SHISAL2A: variants seen among roughly 807,000 people sequenced by gnomAD.
The protein encoded by SHISAL2A is shisa like 2A.
A neutral mutation model predicts 11.5 loss-of-function variants in SHISAL2A; 18 were observed. The ratio of observed to expected loss-of-function variants is 1.57; its 90% CI spans 1.08 to 2.33. The LOEUF is 2.33. SHISAL2A is among the 30% of genes most tolerant of loss of function. SHISAL2A has a pLI of 0.00. For missense variants in SHISAL2A, 261 were observed against 250.9 expected (o/e 1.04, Z -0.27); for synonymous variants, 94 against 99.6 (o/e 0.94, Z 0.34).
chr1:52,648,892 C>T (rs192998647), intron 2 of SHISAL2A, among the ~76,000 whole-genome samples: 52 of 152,130 alleles, frequency 3.4e-4, no homozygotes, highest in Admixed American at 9.2e-4. Context: ...GTTCATCCCT[C>T]GGCCCTGTGA....
intron 1 of SHISAL2A, among the ~76,000 whole-genome samples, chr1:52,637,370 G>C (rs11583225): frequency 0.08 from 12,243 of 152,256 alleles, 608 homozygotes; most frequent in Non-Finnish European, 0.11. Flanking sequence ...TTGTTTTGCT[G>C]TAAATTCCGT....
chr1:52,637,892 C>G (rs566443009), intron 1 of SHISAL2A, among the ~76,000 whole-genome samples: 1 of 152,008 alleles, frequency 6.6e-6, no homozygotes, highest in Non-Finnish European at 1.5e-5. Flanking sequence ...CTCGAAGACT[C>G]GAGGCTCTCT....
chr1:52,645,518 C>T (rs1157888767), intron 2 of SHISAL2A, among the ~76,000 whole-genome samples: 5 of 151,174 alleles, frequency 3.3e-5, no homozygotes, highest in Non-Finnish European at 5.9e-5. Flanking sequence ...AGGTGATTCT[C>T]CCACCTCATT....
chr1:52,648,431 C>T (rs2485916), intron 2 of SHISAL2A, among the ~76,000 whole-genome samples: 128,437 of 152,102 alleles, frequency 0.84, 54,311 homozygotes, highest in Middle Eastern at 0.9. Flanking sequence ...ATAGATCATG[C>T]TATTACTTTC....
At chr1:52,669,061 T>C (rs371150087) in exon 6 of SHISAL2A, 15 of 150,456 alleles carry the variant, frequency 1.0e-4, no homozygotes, top group African/African-American at 3.7e-4. Flanking sequence ...TGAAGGAGAG[T>C]GGGCACAGTC....
At chr1:52,661,213 G>A (rs889217730), downstream of SHISAL2A, among the ~76,000 whole-genome samples, 1 of 152,202 alleles carries the variant, frequency 6.6e-6, no homozygotes, top group African/African-American at 2.4e-5. Flanking sequence ...GGAGCCACAG[G>A]AAAGGGTTTC....
At chr1:52,656,702 C>T in intron 2 of SHISAL2A, 88 bp from the exon 3 acceptor site, 2 of 1,445,562 alleles carry the variant, frequency 1.4e-6, no homozygotes, top group South Asian at 2.7e-5. Context: ...AGTGCACTGC[C>T]CAAGGTAAGC....
intron 4 of SHISAL2A, among the ~76,000 whole-genome samples, chr1:52,664,934 G>A (rs558438239): frequency 7.9e-5 from 12 of 152,184 alleles, no homozygotes; most frequent in South Asian, 4.2e-4. Context: ...GACTACAGGC[G>A]CACACCACCA....
downstream of SHISAL2A, among the ~76,000 whole-genome samples, chr1:52,660,577 CAT>C (rs1691888918): frequency 6.6e-6 from 1 of 152,296 alleles, no homozygotes; most frequent in South Asian, 2.1e-4. Flanking sequence ...ATGTTCAGAA[CAT>C]GTGTGTGTGC....
chr1:52,646,654 G>A (rs1691507977), intron 2 of SHISAL2A, among the ~76,000 whole-genome samples: 1 of 152,116 alleles, frequency 6.6e-6, no homozygotes, highest in Non-Finnish European at 1.5e-5. Context: ...CACACACAGA[G>A]TAGCAAAAAA....
intron 4 of SHISAL2A, among the ~76,000 whole-genome samples, chr1:52,663,238 T>G (rs1393921247): frequency 3.9e-5 from 6 of 152,028 alleles, no homozygotes; most frequent in Non-Finnish European, 8.8e-5. Context: ...TATCCCCATT[T>G]GAAATAGGGA....
chr1:52,648,764 C>T (rs1398866755), intron 2 of SHISAL2A, among the ~76,000 whole-genome samples: 1 of 152,122 alleles, frequency 6.6e-6, no homozygotes, highest in Non-Finnish European at 1.5e-5. Context: ...CAAAGTCCTG[C>T]TCTTTCCATC....
At chr1:52,657,094 G>A, downstream of SHISAL2A, 1 of 1,525,236 alleles carries the variant, frequency 6.6e-7, no homozygotes. Flanking sequence ...TCAGTGAAAG[G>A]TGGGAGTGGG....
chr1:52,663,670 A>C (rs1691951487), intron 4 of SHISAL2A, among the ~76,000 whole-genome samples: 1 of 152,212 alleles, frequency 6.6e-6, no homozygotes, highest in Non-Finnish European at 1.5e-5. Flanking sequence ...CTGACGCAGG[A>C]GAATCGCTTG....
At chr1:52,649,150 C>T (rs1420187543) in intron 2 of SHISAL2A, among the ~76,000 whole-genome samples, 1 of 152,170 alleles carries the variant, frequency 6.6e-6, no homozygotes, top group Non-Finnish European at 1.5e-5. Context: ...AAGCATCAAC[C>T]CAGGAGCTTC....
At chr1:52,661,401 A>T (rs1337429094), downstream of SHISAL2A, among the ~76,000 whole-genome samples, 3 of 152,198 alleles carry the variant, frequency 2.0e-5, no homozygotes, top group Non-Finnish European at 4.4e-5. Context: ...CTTGGGCCCT[A>T]GACATCTGTC....
Position 52,650,643 on chromosome 1 carries a change from CT to C in SHISAL2A, c.323-6128del, listed in dbSNP as rs35001247. On this transcript the variant is annotated intron_variant, in intron 2 of 2. Transcript: ENST00000517870. ...ATACCATTTTCTTTTTTTTAAAACCCTTTTTTTTTTTTTTTTTTTGAGACAG... is the reference window on the plus strand; with the variant it reads ...ATACCATTTTCTTTTTTTTAAAACCCTTTTTTTTTTTTTTTTTTGAGACAG... Among the ~76,000 whole-genome samples the C allele has an allele frequency of 3.9e-3, 417 of 108,098 alleles. 1 individual carries two copies. Among genetic ancestry groups the C allele is most frequent in the African/African-American group, 0.011 (308 of 28,802 alleles). The allele number at this position is 108,098 out of a possible 152,430, so 70.9% of individuals were successfully genotyped here.
intron 2 of SHISAL2A, among the ~76,000 whole-genome samples, chr1:52,647,858 A>G (rs1306856659): frequency 6.6e-6 from 1 of 151,634 alleles, no homozygotes; most frequent in Non-Finnish European, 1.5e-5. Context: ...AAAAAAAGAA[A>G]AAAAGAAAAA....
chr1:52,643,323 C>T (rs1363899228), intron 2 of SHISAL2A, among the ~76,000 whole-genome samples: 1 of 152,124 alleles, frequency 6.6e-6, no homozygotes, highest in Non-Finnish European at 1.5e-5. Context: ...TTAACCCAAA[C>T]AAAATAGAAT....
Sources: allele counts gnomAD v4.1 joint callset (sites outside exome capture counted in the v4.1 genomes callset), GRCh38; gene constraint gnomAD v4.1.1; transcripts MANE v1.5; gene names NCBI Gene and HGNC (gene_info 2026-07-23, HGNC 2026-07-21).